The following FAM13B variants were observed in gnomAD, a reference collection of about 807,000 sequenced individuals.
FAM13B encodes family with sequence similarity 13 member B, also known as protein FAM13B.
In FAM13B, 60 loss-of-function variants were observed where a neutral mutation model predicts 117.3. That is an observed-to-expected ratio of 0.51 (90% CI 0.42 to 0.63). FAM13B has a LOEUF of 0.63. FAM13B is among the 30% of genes least tolerant of loss of function. FAM13B has a pLI of 0.00. For synonymous variants in FAM13B, 332 were observed against 356.1 expected (o/e 0.93, Z 0.76); for missense variants, 972 against 1,091.9 (o/e 0.89, Z 1.55).
Position 137,943,249 on chromosome 5 carries a change from T to C in FAM13B, c.2341-33A>G, listed in dbSNP as rs759063408. 5.6e-5 allele frequency: 86 copies of C among 1,548,264 alleles called. 1 individual carries two copies. The Admixed American group carries it at 1.4e-3, about 25-fold the overall frequency. ...AATCAATAATATAAATAGTTTTACA[T>C]TTTAAGTATTCAAAGTGTCCAGTGA... On this transcript the variant is annotated intron_variant, in intron 20 of 23. Coordinates refer to ENST00000689681, the MANE Select transcript of FAM13B (RefSeq NM_001385994.1).
intron 18 of FAM13B, among the ~76,000 whole-genome samples, chr5:137,947,363 C>T (rs1763718146): frequency 1.3e-5 from 2 of 152,146 alleles, no homozygotes; most frequent in Non-Finnish European, 2.9e-5. Flanking sequence ...TGATTTCAAC[C>T]TCAAGCTTGA....
At chr5:137,966,488 T>TATATATATAGAGAGAGAGAGAGAG (rs1461425784) in intron 10 of FAM13B, among the ~76,000 whole-genome samples, 4 of 29,474 alleles carry the variant, frequency 1.4e-4, no homozygotes, top group Non-Finnish European at 2.4e-4. Flanking sequence ...TATATATATA[T>TATATATATAGAGAGAGAGAGAGAG]AGAGAGAGAG....
In FAM13B at chr5:137,948,947, A is replaced by T; in HGVS notation, c.2160+8T>A. The T allele has an allele frequency of 6.2e-7, 1 of 1,607,436 alleles. No homozygotes were observed. Among genetic ancestry groups the T allele is most frequent in the South Asian group, 1.1e-5 (1 of 90,884 alleles). On this transcript the variant is annotated splice_region_variant and intron_variant, in intron 18 of 23. Transcript: ENST00000689681. ...CTAATCTGGGCAAAAATCATAGCTC[A>T]AGATTACCTTGATATCTTCTGGAAG...
At chr5:137,956,766 A>G (rs3777114) in intron 13 of FAM13B, among the ~76,000 whole-genome samples, 25,226 of 148,454 alleles carry the variant, frequency 0.17, 2,294 homozygotes, top group African/African-American at 0.2. Context: ...AAGGGGGGGG[A>G]AAACTCAAAG....
intron 11 of FAM13B, among the ~76,000 whole-genome samples, chr5:137,962,201 T>A (rs1768327329): frequency 6.6e-6 from 1 of 152,224 alleles, no homozygotes; most frequent in East Asian, 1.9e-4. Flanking sequence ...TTTTCCAAGT[T>A]ATAACTACTG....
intron 10 of FAM13B, among the ~76,000 whole-genome samples, chr5:137,968,152 G>A (rs2150362755): frequency 6.7e-6 from 1 of 149,350 alleles, no homozygotes. Context: ...AACCCGGGAG[G>A]CAGAGGTTGC....
chr5:137,941,934 C>T lies in FAM13B; in HGVS notation c.2690+10G>A, dbSNP rs770463100. On this transcript the variant is annotated intron_variant, in intron 23 of 23. Coordinates refer to ENST00000689681, the MANE Select transcript of FAM13B (RefSeq NM_001385994.1). ...AGAAAGATGACTCAATTTTGTGATG[C>T]TCAACAAACCTTCCATTTTGTTGAT... 3.7e-6 allele frequency: 6 copies of T among 1,607,032 alleles called. No individual in the cohort carries two copies. In the East Asian group the frequency reaches 1.3e-4, roughly 36 times the overall value.
chr5:137,986,426 T>TC (rs372003381), intron 9 of FAM13B, among the ~76,000 whole-genome samples: 973 of 69,404 alleles, frequency 0.014, 23 homozygotes, highest in African/African-American at 0.036. Flanking sequence ...TTTCTCATCT[T>TC]CCCCCCCCCA....
chr5:138,036,471 C>G (rs773242528), upstream of FAM13B: 1 of 456,688 alleles, frequency 2.2e-6, no homozygotes, highest in Non-Finnish European at 4.4e-6. Flanking sequence ...CACAGGCCCA[C>G]GGTGCCCCTC....
chr5:137,952,605 T>TTACAAAATGGCACATAATATAC (rs1765358112), intron 17 of FAM13B, 23 bp downstream of exon 17: 1 of 1,467,298 alleles, frequency 6.8e-7, no homozygotes, highest in East Asian at 2.3e-5. Flanking sequence ...TGCAAATATA[T>TTACAAAATGGCACATAATATAC]TACAAAATGG....
chr5:137,950,117 C>G (rs181618380), intron 17 of FAM13B, among the ~76,000 whole-genome samples: 2 of 152,228 alleles, frequency 1.3e-5, no homozygotes, highest in East Asian at 3.9e-4. Flanking sequence ...AGCATATATT[C>G]AGAGAAGGAA....
chr5:137,989,986 T>C (rs1054970985), intron 7 of FAM13B, among the ~76,000 whole-genome samples: 2 of 152,200 alleles, frequency 1.3e-5, no homozygotes. Context: ...TAAATATTTA[T>C]TGATTTCTGT....
intron 7 of FAM13B, among the ~76,000 whole-genome samples, chr5:138,004,952 T>TA (rs775671308): frequency 3.7e-4 from 56 of 151,852 alleles, no homozygotes; most frequent in Non-Finnish European, 1.0e-4. Context: ...TTAACAAAAT[T>TA]AGAGGCCGGG....
At chr5:138,048,037 C>G (rs1311862632) in intron 1 of FAM13B, among the ~76,000 whole-genome samples, 1 of 151,926 alleles carries the variant, frequency 6.6e-6, no homozygotes, top group Admixed American at 6.6e-5. Flanking sequence ...TCCCCTAATG[C>G]TAGTACCTAA....
At chr5:137,959,567 C>T (rs371677266) in intron 13 of FAM13B, 49 bp downstream of exon 13, 51 of 1,596,596 alleles carry the variant, frequency 3.2e-5, no homozygotes, top group Admixed American at 6.7e-5. Context: ...AGGGTAATTT[C>T]GGTTACAAGT....
chr5:137,969,480 C>T (rs568964926), intron 10 of FAM13B, among the ~76,000 whole-genome samples: 1 of 152,252 alleles, frequency 6.6e-6, no homozygotes, highest in African/African-American at 2.4e-5. Flanking sequence ...CATCAAAGGC[C>T]AAAGGTAGAT....
intron 14 of FAM13B, 58 bp downstream of exon 14, chr5:137,956,419 G>A (rs1766567847): frequency 8.1e-7 from 1 of 1,231,956 alleles, no homozygotes. Flanking sequence ...TTAATAAAAA[G>A]ACAAACAAAG....
chr5:138,032,702 G>A (rs925806374), intron 1 of FAM13B, 80 bp downstream of exon 1: 28 of 983,808 alleles, frequency 2.8e-5, no homozygotes, highest in Non-Finnish European at 3.4e-5. Context: ...AGGCGGCGCT[G>A]GGGGGCAACA....
intron 13 of FAM13B, among the ~76,000 whole-genome samples, chr5:137,959,122 T>G (rs1356052166): frequency 3.3e-5 from 5 of 152,208 alleles, no homozygotes; most frequent in Non-Finnish European, 7.4e-5. Context: ...TAGAGTCCCC[T>G]GCACCATACC....
Sources: gnomAD v4.1 joint callset for allele counts (sites outside exome capture counted in the v4.1 genomes callset) on GRCh38, gnomAD v4.1.1 for gene constraint, MANE v1.5 for transcripts, NCBI Gene and HGNC (gene_info 2026-07-23, HGNC 2026-07-21) for gene names.